The following DAB1 variants were observed in gnomAD, a reference collection of about 807,000 sequenced individuals.
The protein encoded by DAB1 is disabled homolog 1.
A neutral mutation model predicts 64.6 loss-of-function variants in DAB1; 15 were observed. That is an observed-to-expected ratio of 0.23 (90% CI 0.16 to 0.36). The LOEUF (loss-of-function observed/expected upper bound fraction) is 0.36. Among genes scored for constraint, DAB1 ranks in the 10% least tolerant of loss-of-function variants. The pLI, the probability that DAB1 is intolerant of heterozygous loss-of-function variation, is 1.00. For synonymous variants in DAB1, 235 were observed against 251.9 expected, an observed-to-expected ratio of 0.93 and a Z score of 0.64; for missense variants, 596 against 706.7, an observed-to-expected ratio of 0.84 and a Z score of 1.78.
intron 1 of DAB1, among the ~76,000 whole-genome samples, chr1:57,372,689 A>C (rs1680596606): frequency 6.6e-6 from 1 of 152,170 alleles, no homozygotes; most frequent in Non-Finnish European, 1.5e-5. Flanking sequence ...AGCTTTTTAA[A>C]AATGCCATTT....
At chr1:57,202,243 G>C (rs1665162971) in intron 2 of DAB1, among the ~76,000 whole-genome samples, 1 of 152,172 alleles carries the variant, frequency 6.6e-6, no homozygotes, top group South Asian at 2.1e-4. Context: ...TTGGCTTATA[G>C]GGACTGTGCT....
intron 4 of DAB1, among the ~76,000 whole-genome samples, chr1:57,086,900 G>C (rs926175569): frequency 6.6e-6 from 1 of 152,130 alleles, no homozygotes; most frequent in Non-Finnish European, 1.5e-5. Context: ...TCATTCCTTG[G>C]CTCTGCTACT....
At chr1:57,849,337 G>T (rs1653421782) in intron 1 of DAB1, among the ~76,000 whole-genome samples, 1 of 152,240 alleles carries the variant, frequency 6.6e-6, no homozygotes, top group Admixed American at 6.5e-5. Flanking sequence ...TCTCCATCTG[G>T]ATCTTTCAGC....
In DAB1 at chr1:57,468,430, A is replaced by T. The variant is rs191848809; in HGVS notation, n.626-177264T>A. ...TTTAGAATGGTAAATGTATTTTTCA[A>T]TTAAATTCAACAGATATGGATTAAG... is the stretch of plus-strand genomic sequence containing the variant. On this transcript the variant is annotated intron_variant and non_coding_transcript_variant, in intron 7 of 20. Coordinates refer to the DAB1 transcript ENST00000485760. Among the ~76,000 whole-genome samples, 3 of 152,326 alleles carry T rather than the reference A, an allele frequency of 2.0e-5. No individual in the cohort carries two copies. The East Asian group carries it at 5.8e-4, about 29-fold the overall frequency.
At chr1:57,095,528 C>T (rs1301846434) in intron 4 of DAB1, among the ~76,000 whole-genome samples, 2 of 152,204 alleles carry the variant, frequency 1.3e-5, no homozygotes, top group Admixed American at 6.5e-5. Context: ...AAAGAAAAGT[C>T]AACTTTCCAA....
intron 1 of DAB1, among the ~76,000 whole-genome samples, chr1:57,414,594 G>A (rs1247136451): frequency 3.9e-5 from 6 of 152,106 alleles, no homozygotes; most frequent in South Asian, 2.1e-4. Context: ...GGAACCAGCC[G>A]TATCTCCCAT....
intron 1 of DAB1, among the ~76,000 whole-genome samples, chr1:57,342,682 G>A (rs939572389): frequency 3.9e-5 from 6 of 152,146 alleles, no homozygotes; most frequent in Non-Finnish European, 7.3e-5. Flanking sequence ...TGGCCTGTCC[G>A]GAGTTTGTTC....
intron 4 of DAB1, among the ~76,000 whole-genome samples, chr1:58,293,571 G>A (rs969515977): frequency 1.3e-5 from 2 of 151,920 alleles, no homozygotes; most frequent in Non-Finnish European, 2.9e-5. Flanking sequence ...ACTTACCACT[G>A]GAAACCACAG....
chr1:58,339,528 A>G (rs1034125415), intron 4 of DAB1, among the ~76,000 whole-genome samples: 3 of 152,196 alleles, frequency 2.0e-5, no homozygotes, highest in Non-Finnish European at 4.4e-5. Context: ...ATAGTGGAAT[A>G]TAGAGAAATT....
intron 5 of DAB1, among the ~76,000 whole-genome samples, chr1:58,023,051 C>A (rs1646836783): frequency 6.6e-6 from 1 of 152,178 alleles, no homozygotes; most frequent in South Asian, 2.1e-4. Flanking sequence ...CTTGAAAATT[C>A]TGTGAAGACA....
chr1:57,826,092 T>C (rs1338910462), exon 2 of DAB1: 3 of 152,224 alleles, frequency 2.0e-5, no homozygotes, highest in Non-Finnish European at 2.9e-5. Flanking sequence ...TCTACTTTTA[T>C]TCACATGTAA....
chr1:57,001,346 C>A (rs1645859098), intron 14 of DAB1, among the ~76,000 whole-genome samples: 1 of 152,196 alleles, frequency 6.6e-6, no homozygotes, highest in African/African-American at 2.4e-5. Context: ...TGCCCTGCTT[C>A]AAATCCTTCA....
At chr1:58,454,723 C>T (rs1324043251) in intron 3 of DAB1, among the ~76,000 whole-genome samples, 1 of 152,180 alleles carries the variant, frequency 6.6e-6, no homozygotes, top group Non-Finnish European at 1.5e-5. Flanking sequence ...TGCTCTAGGC[C>T]TTTCTGAGAT....
At chr1:57,482,531 C>T (rs1305525131) in intron 7 of DAB1, among the ~76,000 whole-genome samples, 1 of 142,728 alleles carries the variant, frequency 7.0e-6, no homozygotes, top group East Asian at 2.0e-4. Context: ...AGGGTATGAA[C>T]CTAGAATTAG....
At chr1:58,452,349 T>C (rs1010771543) in intron 3 of DAB1, among the ~76,000 whole-genome samples, 4 of 151,160 alleles carry the variant, frequency 2.6e-5, no homozygotes, top group African/African-American at 9.7e-5. Context: ...AAAATGCAAA[T>C]TAAAATCACA....
rs541530214 is a variant in DAB1 at position 57,183,658 on chromosome 1, G to T, written c.68-38229C>A. 2.0e-3 allele frequency among the ~76,000 whole-genome samples: 309 copies of T among 152,246 alleles called. 3 individuals are homozygous for T. The highest frequency in any genetic ancestry group is 3.8e-3 in the Non-Finnish European group (261 of 68,026). ...AAACTATGGTTGTTCCTAATAACTT[G>T]CCAGTTACACATTAGCTCATCTGGA... is the stretch of plus-strand genomic sequence containing the variant. On this transcript the variant is annotated intron_variant, in intron 2 of 14. Transcript: ENST00000371236.
Position 57,434,283 on chromosome 1 carries a change from C to G in DAB1, n.626-143117G>C, listed in dbSNP as rs60391843. 9.3e-3 allele frequency among the ~76,000 whole-genome samples: 1,413 copies of G among 152,254 alleles called. 20 individuals carry two copies. Among genetic ancestry groups the G allele is most frequent in the African/African-American group, 0.033 (1,358 of 41,544 alleles). On this transcript the variant is annotated intron_variant and non_coding_transcript_variant, in intron 7 of 20. Transcript: ENST00000485760. The stretch of plus-strand genomic sequence containing the variant: ...ATACAAAAATTGTACAATATTAATA[C>G]AGTGGAATATTATTAAGCAAGAAAT...
At chr1:57,302,035 G>A (rs1048853988) in intron 1 of DAB1, among the ~76,000 whole-genome samples, 17 of 152,170 alleles carry the variant, frequency 1.1e-4, no homozygotes, top group Non-Finnish European at 2.2e-4. Context: ...GACAAAAAGG[G>A]CTATCATCTT....
At chr1:57,052,621 G>A (rs769488400) in intron 9 of DAB1, among the ~76,000 whole-genome samples, 1 of 152,132 alleles carries the variant, frequency 6.6e-6, no homozygotes, top group Non-Finnish European at 1.5e-5. Context: ...GGGCCACTGG[G>A]GTACCTGACA....
Sources: allele counts gnomAD v4.1 joint callset (sites outside exome capture counted in the v4.1 genomes callset), GRCh38; gene constraint gnomAD v4.1.1; transcripts MANE v1.5; gene names NCBI Gene and HGNC (gene_info 2026-07-23, HGNC 2026-07-21).